Variants in MYH10 observed in about 807,000 individuals in gnomAD.
The protein encoded by MYH10 is myosin-10.
In MYH10, 55 loss-of-function variants were observed where a neutral mutation model predicts 257.8. The observed-to-expected ratio is 0.21, with a 90% CI of 0.17 to 0.27. MYH10 has a LOEUF of 0.27. MYH10 is among the 10% of genes least tolerant of loss of function. The pLI is 1.00. For synonymous variants in MYH10, 854 were observed against 921.7 expected (o/e 0.93, Z 1.33); for missense variants, 1,631 against 2,500.6 (o/e 0.65, Z 7.42).
chr17:8,521,649 G>A (rs1342005493), intron 17 of MYH10: 1 of 201,162 alleles, frequency 5.0e-6, no homozygotes, highest in Non-Finnish European at 1.0e-5. Context: ...CTGATACTGT[G>A]AAAGGCCTCC....
chr17:8,531,317 G>C (rs1345077258), intron 16 of MYH10, among the ~76,000 whole-genome samples: 1 of 151,700 alleles, frequency 6.6e-6, no homozygotes, highest in African/African-American at 2.4e-5. Context: ...AAATATCCTA[G>C]GAGGTACATT....
intron 19 of MYH10, among the ~76,000 whole-genome samples, chr17:8,519,537 G>C (rs146451193): frequency 1.3e-5 from 2 of 151,732 alleles, no homozygotes; most frequent in African/African-American, 4.8e-5. Context: ...TATATTAAAG[G>C]AGGAATCCTG....
intron 4 of MYH10, among the ~76,000 whole-genome samples, chr17:8,585,535 TATC>T (rs2083887915): frequency 6.6e-6 from 1 of 151,908 alleles, no homozygotes; most frequent in Non-Finnish European, 1.5e-5. Context: ...CCATGGAACA[TATC>T]ATATTTTCCT....
chr17:8,576,768 A>G, intron 5 of MYH10, 96 bp from the exon 6 acceptor site: 2 of 1,198,702 alleles, frequency 1.7e-6, no homozygotes, highest in South Asian at 1.3e-5. Flanking sequence ...TGTGCAGTTG[A>G]GAACTGTGGA....
chr17:8,540,019 T>A (rs1384322713), intron 14 of MYH10, among the ~76,000 whole-genome samples: 1 of 152,248 alleles, frequency 6.6e-6, no homozygotes, highest in Non-Finnish European at 1.5e-5. Flanking sequence ...AAACAGGGTC[T>A]CACGCTGTCG....
At chr17:8,626,704 A>G (rs975971939) in intron 1 of MYH10, among the ~76,000 whole-genome samples, 1 of 151,836 alleles carries the variant, frequency 6.6e-6, no homozygotes, top group African/African-American at 2.4e-5. Context: ...AATAGGATAC[A>G]CACTCCACCT....
intron 2 of MYH10, among the ~76,000 whole-genome samples, chr17:8,613,653 AAAAT>A (rs2085130126): frequency 1.3e-5 from 2 of 152,248 alleles, no homozygotes; most frequent in African/African-American, 4.8e-5. Context: ...AAAAGATTAA[AAAAT>A]AAACATAGAG....
intron 6 of MYH10, among the ~76,000 whole-genome samples, chr17:8,576,405 A>G (rs2083498490): frequency 6.6e-6 from 1 of 152,214 alleles, no homozygotes; most frequent in Non-Finnish European, 1.5e-5. Context: ...ATGCAGTTCA[A>G]TGTCATGATA....
At chr17:8,489,828 T>C (rs1915499402) in intron 35 of MYH10, among the ~76,000 whole-genome samples, 1 of 152,124 alleles carries the variant, frequency 6.6e-6, no homozygotes. Context: ...AGTTTTAGAC[T>C]AGAAATTTAA....
chr17:8,596,013 C>T (rs1172714182), intron 3 of MYH10, among the ~76,000 whole-genome samples: 3 of 152,020 alleles, frequency 2.0e-5, no homozygotes, highest in Non-Finnish European at 4.4e-5. Context: ...CAGTCTTGTA[C>T]TTTTATTATT....
intron 7 of MYH10, among the ~76,000 whole-genome samples, chr17:8,563,774 C>T (rs1028356261): frequency 5.9e-5 from 9 of 151,840 alleles, no homozygotes; most frequent in African/African-American, 1.9e-4. Flanking sequence ...ATAACCTGGT[C>T]GCCAAACTGT....
At chr17:8,559,558 C>G (rs551385135) in intron 7 of MYH10, among the ~76,000 whole-genome samples, 1 of 151,954 alleles carries the variant, frequency 6.6e-6, no homozygotes, top group African/African-American at 2.4e-5. Flanking sequence ...GATGACAAAA[C>G]AGCAAACTAT....
At chr17:8,505,299 G>A (rs1263637374) in intron 27 of MYH10, among the ~76,000 whole-genome samples, 2 of 152,176 alleles carry the variant, frequency 1.3e-5, no homozygotes, top group Admixed American at 6.5e-5. Flanking sequence ...TCATCACACC[G>A]GAACCCAGCC....
At chr17:8,600,338 A>T (rs2084543583) in intron 3 of MYH10, among the ~76,000 whole-genome samples, 1 of 152,156 alleles carries the variant, frequency 6.6e-6, no homozygotes, top group African/African-American at 2.4e-5. Context: ...AAAACAAGTA[A>T]TGGGCTGGGG....
intron 1 of MYH10, among the ~76,000 whole-genome samples, chr17:8,625,205 C>T (rs1393752985): frequency 3.9e-5 from 6 of 152,048 alleles, no homozygotes; most frequent in African/African-American, 1.4e-4. Flanking sequence ...GAGCTGAGAT[C>T]GTGCCACTGC....
rs967276591 is a variant in MYH10 at position 8,481,231 on chromosome 17, C to G, written c.5264+91G>C. ...CCCAGCGAGGGAGGAGCAAACCACC[C>G]GCTGATGCCAGGTGTGTGGACACCT... On this transcript the variant is annotated intron_variant, in intron 38 of 42. Transcript: ENST00000360416. The G allele has an allele frequency of 1.4e-5, 19 of 1,313,358 alleles. No homozygotes were observed. In the African/African-American group the frequency reaches 2.2e-4, roughly 15 times the overall value. The allele number at this position is 1,313,358 out of a possible 1,614,324, so 81.4% of individuals were successfully genotyped here.
At chr17:8,508,169 C>T (rs912618206) in intron 26 of MYH10, among the ~76,000 whole-genome samples, 4 of 151,956 alleles carry the variant, frequency 2.6e-5, no homozygotes, top group African/African-American at 7.3e-5. Context: ...TGTCACCCCA[C>T]GATCACAGCT....
intron 13 of MYH10, among the ~76,000 whole-genome samples, chr17:8,544,234 A>G (rs2082378429): frequency 6.6e-6 from 1 of 152,176 alleles, no homozygotes; most frequent in African/African-American, 2.4e-5. Flanking sequence ...CCATCTACAT[A>G]AATGTCACAT....
intron 3 of MYH10, among the ~76,000 whole-genome samples, chr17:8,598,100 G>A (rs1048824597): frequency 2.6e-5 from 4 of 152,160 alleles, no homozygotes; most frequent in Non-Finnish European, 5.9e-5. Flanking sequence ...TCCTGCCTCA[G>A]CCTCCAGAGT....
Sources: allele counts gnomAD v4.1 joint callset (sites outside exome capture counted in the v4.1 genomes callset), GRCh38; gene constraint gnomAD v4.1.1; transcripts MANE v1.5; gene names NCBI Gene and HGNC (gene_info 2026-07-23, HGNC 2026-07-21).